The following TAFA3 variants were observed in gnomAD, a reference collection of about 807,000 sequenced individuals.
The protein encoded by TAFA3 is TAFA chemokine like family member 3, also known as chemokine-like protein TAFA-3.
A neutral mutation model predicts 20.7 loss-of-function variants in TAFA3; 17 were observed. The ratio of observed to expected loss-of-function variants is 0.82; its 90% CI spans 0.56 to 1.23. TAFA3 has a LOEUF of 1.23. Ranked by LOEUF, TAFA3 falls within the 50% of genes most tolerant of loss-of-function variation. The pLI, the probability that TAFA3 is intolerant of heterozygous loss-of-function variation, is 0.00. For missense variants in TAFA3, 174 were observed against 172.8 expected, an observed-to-expected ratio of 1.01 and a Z score of -0.04; for synonymous variants, 74 against 71.8, an observed-to-expected ratio of 1.03 and a Z score of -0.16.
chr1:112,723,215 AGGCCTGTTCAG>A, intron 4 of TAFA3, 50 bp downstream of exon 4: 2 of 1,562,562 alleles, frequency 1.3e-6, no homozygotes, highest in Middle Eastern at 4.0e-4. Context: ...AGCCATAAGG[AGGCCTGTTCAG>A]GCCTCGCCAT....
rs1217304430 is a variant in TAFA3 at position 112,723,799 on chromosome 1, G to A, written c.266-214G>A. The A allele has an allele frequency of 1.1e-5, 9 of 835,040 alleles. No individual in the cohort carries two copies. The East Asian group carries it at 2.4e-4, about 22-fold the overall frequency. The allele number at this position is 835,040 out of a possible 1,614,324, so 51.7% of individuals were successfully genotyped here. On this transcript the variant is annotated intron_variant, in intron 4 of 5. Transcript: ENST00000361886. ...CCCGTCACTGTCTGGGGAGATGCAGGGATCGGTGGGATTAAAGTTGAGAGG... is the reference window on the plus strand; with the variant it reads ...CCCGTCACTGTCTGGGGAGATGCAGAGATCGGTGGGATTAAAGTTGAGAGG...
At chr1:112,723,790 G>T (rs1198065528) in intron 4 of TAFA3, among the ~76,000 whole-genome samples, 1 of 152,202 alleles carries the variant, frequency 6.6e-6, no homozygotes, top group East Asian at 1.9e-4. Context: ...ACTGTCTGGG[G>T]AGATGCAGGG....
chr1:112,719,858 C>T (rs955901150), intron 1 of TAFA3, among the ~76,000 whole-genome samples: 3 of 152,192 alleles, frequency 2.0e-5, no homozygotes, highest in Non-Finnish European at 4.4e-5. Flanking sequence ...GGCACCTCTT[C>T]TCTGTGTTCC....
rs763680775 is a variant in TAFA3 at position 112,723,120 on chromosome 1, G to A, written c.220G>A (p.Gly74Ser). 1.2e-6 allele frequency: 2 copies of A among 1,613,310 alleles called. No individual in the cohort carries two copies. Among genetic ancestry groups the A allele is most frequent in the East Asian group, 4.5e-5 (2 of 44,846 alleles). ...SQTVKCSCFS[G>S]QVAGTTRAKP... Reference sequence around the variant, plus strand: ...GACGGTGAAATGCTCCTGTTTTTCTGGCCAGGTGGCCGGCACCACGCGGGC... The same window carrying A: ...GACGGTGAAATGCTCCTGTTTTTCTAGCCAGGTGGCCGGCACCACGCGGGC... Residue 74 changes from glycine (G) to serine (S), a missense_variant, in exon 4 of 6, where the codon GGC (glycine) becomes AGC (serine). Transcript: ENST00000361886.
rs980154227 is a variant in TAFA3, at chr1:112,727,033, T to C, written c.*393T>C. The C allele has an allele frequency of 2.2e-5, 5 of 229,740 alleles. No homozygotes were observed. The highest frequency in any genetic ancestry group is 1.1e-4 in the African/African-American group (5 of 43,724). The allele number at this position is 229,740 out of a possible 1,614,324, so 14.2% of individuals were successfully genotyped here. On this transcript the variant is annotated 3_prime_UTR_variant, in exon 6 of 6. Coordinates refer to ENST00000361886, the MANE Select transcript of TAFA3 (RefSeq NM_182759.3). ...GATTCCCACAGTTCTTCAGATACCC[T>C]GTGGCCACAGGGCATAGAAACAAGA...
At chr1:112,725,166 A>G (rs991602110) in intron 5 of TAFA3, among the ~76,000 whole-genome samples, 5 of 152,132 alleles carry the variant, frequency 3.3e-5, no homozygotes, top group African/African-American at 1.2e-4. Context: ...CACTTCTGAG[A>G]GCTAAACATT....
chr1:112,720,488 C>T, intron 1 of TAFA3, 89 bp from the exon 2 acceptor site: 1 of 152,490 alleles, frequency 6.6e-6, no homozygotes, highest in Non-Finnish European at 1.5e-5. Context: ...CACCCCCTTG[C>T]CCTCTCCCAG....
At chr1:112,722,712 C>T (rs1236211245) in intron 3 of TAFA3, among the ~76,000 whole-genome samples, 1 of 152,156 alleles carries the variant, frequency 6.6e-6, no homozygotes, top group East Asian at 1.9e-4. Flanking sequence ...CATTGTAAGC[C>T]CTGGGGCCCT....
chr1:112,722,895 C>T, intron 3 of TAFA3, 121 bp from the exon 4 acceptor site: 1 of 1,267,460 alleles, frequency 7.9e-7, no homozygotes, highest in South Asian at 1.6e-5. Flanking sequence ...TCCCCTGCCA[C>T]TGGCAGTCTC....
rs529088307 is a variant in TAFA3, at chr1:112,725,996, G to T, written c.391-633G>T. ...TACTAAAAATACAAAAATTAGCTGG[G>T]CATAATGGCACACGCCTGTAATCCC... On this transcript the variant is annotated intron_variant, in intron 5 of 5. Coordinates refer to ENST00000361886, the MANE Select transcript of TAFA3 (RefSeq NM_182759.3). Among the ~76,000 whole-genome samples the T allele has an allele frequency of 2.8e-4, 42 of 152,284 alleles. 1 individual carries two copies. Among genetic ancestry groups the T allele is most frequent in the Admixed American group, 2.4e-3 (36 of 15,294 alleles).
At position 112,722,340 on chromosome 1, in the gene TAFA3, C is replaced by G; in HGVS notation, c.107C>G (p.Thr36Ser). The G allele has an allele frequency of 6.2e-7, 1 of 1,613,424 alleles. No homozygotes were observed. The highest frequency in any genetic ancestry group is 8.5e-7 in the Non-Finnish European group (1 of 1,179,942). Residue 36 changes from threonine (T) to serine (S), a missense_variant, in exon 3 of 6, where the codon ACT becomes AGT. By Grantham distance (58) the Thr-to-Ser change is moderately conservative. Transcript: ENST00000361886. ...ACCTTGGCTGCCTTGCAGCCTCCCACTGCCACAGGTTTGGAGGAGGTGGCA... is the reference window on the plus strand; with the variant it reads ...ACCTTGGCTGCCTTGCAGCCTCCCAGTGCCACAGGTTTGGAGGAGGTGGCA... ...HLTLAALQPP[T>S]ATVLVQQGTC...
At position 112,726,970 on chromosome 1, in the gene TAFA3, GGGCCACATGCTAT is replaced by G. The variant is rs1557790242; in HGVS notation, c.*334_*346del. On this transcript the variant is annotated 3_prime_UTR_variant, in exon 6 of 6. Coordinates refer to ENST00000361886, the MANE Select transcript of TAFA3 (RefSeq NM_182759.3). ...TACTTGATACCAGACTGCGGCTTCT[GGGCCACATGCTAT>G]GGCATGATGGGGGTTTGGGAATGAG... 3 of 337,328 alleles carry G rather than the reference GGGCCACATGCTAT, an allele frequency of 8.9e-6. No homozygotes were observed. Among genetic ancestry groups the G allele is most frequent in the African/African-American group, 6.4e-5 (3 of 46,800 alleles). The allele number at this position is 337,328 out of a possible 1,614,324, so 20.9% of individuals were successfully genotyped here.
rs767001400 is a variant in TAFA3, at chr1:112,723,050, G to A, written c.150G>A (p.Ala50=). 7 of 1,612,918 alleles carry A rather than the reference G, an allele frequency of 4.3e-6. No homozygotes were observed. The highest frequency in any genetic ancestry group is 5.1e-6 in the Non-Finnish European group (6 of 1,179,596). Residue 50 remains alanine, a synonymous_variant, in exon 4 of 6, where the codon GCG becomes GCA. Coordinates refer to ENST00000361886, the MANE Select transcript of TAFA3 (RefSeq NM_182759.3). The part of the protein sequence containing the change: ...LVQQGTCEVI[A]AHRCCNRNRI... ...AGCAGGGCACCTGCGAGGTGATTGC[G>A]GCTCACCGCTGCTGCAACCGGAACC...
intron 4 of TAFA3, 81 bp downstream of exon 4, chr1:112,723,246 A>T: frequency 6.8e-7 from 1 of 1,472,870 alleles, no homozygotes; most frequent in Non-Finnish European, 9.0e-7. Context: ...TCTGCTGGGG[A>T]TACAATTTCA....
intron 4 of TAFA3, chr1:112,723,811 T>C: frequency 1.0e-6 from 1 of 956,862 alleles, no homozygotes; most frequent in Non-Finnish European, 1.6e-6. Context: ...ATCGGTGGGA[T>C]TAAAGTTGAG....
chr1:112,724,199 G>A lies in TAFA3; in HGVS notation c.390+62G>A, dbSNP rs556215491. Reference sequence around the variant, plus strand: ...CCCTCTCTACCAAGGGCAGAAAAGGGGGCACAGGAGCCTTGGAGGTCTAGG... The same window carrying A: ...CCCTCTCTACCAAGGGCAGAAAAGGAGGCACAGGAGCCTTGGAGGTCTAGG... On this transcript the variant is annotated intron_variant, in intron 5 of 5. Coordinates refer to ENST00000361886, the MANE Select transcript of TAFA3 (RefSeq NM_182759.3). 3.5e-6 allele frequency: 5 copies of A among 1,426,926 alleles called. No individual in the cohort carries two copies. The East Asian group carries it at 9.9e-5, about 28-fold the overall frequency. The allele number at this position is 1,426,926 out of a possible 1,614,324, so 88.4% of individuals were successfully genotyped here.
Position 112,718,966 on chromosome 1 carries a change from G to T in TAFA3, c.-393G>T, listed in dbSNP as rs867798530. Among the ~76,000 whole-genome samples, 70 of 152,318 alleles carry T rather than the reference G, an allele frequency of 4.6e-4. No homozygotes were observed. Among genetic ancestry groups the T allele is most frequent in the African/African-American group, 1.5e-3 (64 of 41,578 alleles). On this transcript the variant is annotated 5_prime_UTR_variant, in exon 1 of 6. Transcript: ENST00000361886. ...TGGAGGAGCGGGGGTAGCCCGGGGC[G>T]AGGCGGCGGTTGCGGCGGCGGCTGC... is the stretch of plus-strand genomic sequence containing the variant.
rs144368282 is a variant in TAFA3 at position 112,724,366 on chromosome 1, G to A, written c.390+229G>A. Among the ~76,000 whole-genome samples the A allele has an allele frequency of 1.5e-4, 23 of 151,990 alleles. No homozygotes were observed. In the East Asian group the frequency reaches 2.5e-3, roughly 17 times the overall value. ...GGGAAGATTCTTGATGTCCATATAC[G>A]CTGGTTTCCTCCTGTCTGCCTGGAA... On this transcript the variant is annotated intron_variant, in intron 5 of 5. Transcript: ENST00000361886.
At chr1:112,723,206 G>A in intron 4 of TAFA3, 41 bp downstream of exon 4, 1 of 1,597,156 alleles carries the variant, frequency 6.3e-7, no homozygotes, top group Non-Finnish European at 8.5e-7. Flanking sequence ...CCTGAGCAGA[G>A]CCATAAGGAG....
Sources: gnomAD v4.1 joint callset for allele counts (sites outside exome capture counted in the v4.1 genomes callset) on GRCh38, gnomAD v4.1.1 for gene constraint, MANE v1.5 for transcripts, NCBI Gene and HGNC (gene_info 2026-07-23, HGNC 2026-07-21) for gene names.